The following MDFIC variants were observed in gnomAD, a reference collection of about 807,000 sequenced individuals.
MDFIC encodes MyoD family inhibitor domain containing, also known as myoD family inhibitor domain-containing protein.
Under a neutral mutation model 23.2 loss-of-function variants are expected in MDFIC, and 17 were observed. That is an observed-to-expected ratio of 0.73 (90% confidence interval 0.50 to 1.10). The LOEUF is 1.10. Among genes scored for constraint, MDFIC ranks in the 50% least tolerant of loss-of-function variants. The pLI is 0.00. For synonymous variants in MDFIC, 120 were observed against 115.2 expected (o/e 1.04, Z -0.27); for missense variants, 356 against 316.6 (o/e 1.12, Z -0.95).
At position 115,018,632 on chromosome 7, in the gene MDFIC, T is replaced by A. The variant is rs1221018279; in HGVS notation, c.*2697T>A. 6.6e-6 allele frequency: 1 copy of A among 152,412 alleles called. No homozygotes were observed. Among genetic ancestry groups the A allele is most frequent in the Non-Finnish European group, 1.5e-5 (1 of 67,864 alleles). The allele number at this position is 152,412 out of a possible 1,614,324, so 9.4% of individuals were successfully genotyped here. On this transcript the variant is annotated 3_prime_UTR_variant, in exon 5 of 5. Transcript: ENST00000393486. ...GAAGTATATGGCTATCATGACTAAG[T>A]GCTAGAATTTATAGTTACAGGCGGT...
intron 3 of MDFIC, among the ~76,000 whole-genome samples, chr7:114,974,762 A>G (rs569069659): frequency 6.6e-6 from 1 of 152,192 alleles, no homozygotes; most frequent in Admixed American, 6.6e-5. Flanking sequence ...ATTTACTCCC[A>G]TATTTATTAT....
In MDFIC at chr7:115,017,953, C is replaced by T. The variant is rs1478746043; in HGVS notation, c.*2018C>T. On this transcript the variant is annotated 3_prime_UTR_variant, in exon 5 of 5. Coordinates refer to ENST00000393486, the MANE Select transcript of MDFIC (RefSeq NM_001166345.3). Reference sequence around the variant, plus strand: ...CTGTGGTTTTTCCTTTGAGATGAAACGTAGTTTCTAGTTATATCATTACTT... The same window carrying T: ...CTGTGGTTTTTCCTTTGAGATGAAATGTAGTTTCTAGTTATATCATTACTT... 5 of 151,868 alleles carry T rather than the reference C, an allele frequency of 3.3e-5. No homozygotes were observed. Among genetic ancestry groups the T allele is most frequent in the African/African-American group, 2.4e-5 (1 of 41,398 alleles). 9.4% of individuals were successfully genotyped at this position (151,868 alleles called of 1,614,324 possible).
chr7:114,979,795 A>G lies in MDFIC; in HGVS notation c.493+14A>G. ...CTTCACCTGAAGGTAAGTTTGAGAT[A>G]TATGTAGATTTTATTTGACCAGATG... On this transcript the variant is annotated intron_variant, in intron 4 of 4. Coordinates refer to ENST00000393486, the MANE Select transcript of MDFIC (RefSeq NM_001166345.3). 6.2e-7 allele frequency: 1 copy of G among 1,609,582 alleles called. No homozygotes were observed. Among genetic ancestry groups the G allele is most frequent in the Non-Finnish European group, 8.5e-7 (1 of 1,176,750 alleles).
intron 4 of MDFIC, among the ~76,000 whole-genome samples, chr7:114,998,629 A>G (rs974517299): frequency 2.6e-5 from 4 of 152,096 alleles, no homozygotes; most frequent in Non-Finnish European, 5.9e-5. Context: ...TTATAATACT[A>G]TATTTTATAT....
chr7:114,943,355 A>G (rs188745264), intron 3 of MDFIC, among the ~76,000 whole-genome samples: 4 of 152,300 alleles, frequency 2.6e-5, no homozygotes, highest in African/African-American at 7.2e-5. Context: ...TGAAAACTAA[A>G]CAAAATAAAT....
At chr7:115,006,871 A>G (rs1260501853) in intron 4 of MDFIC, among the ~76,000 whole-genome samples, 1 of 152,192 alleles carries the variant, frequency 6.6e-6, no homozygotes, top group Non-Finnish European at 1.5e-5. Context: ...AACTTCTTAT[A>G]TTAGAAATAT....
chr7:114,992,691 G>A (rs1475991449), intron 4 of MDFIC, among the ~76,000 whole-genome samples: 2 of 152,154 alleles, frequency 1.3e-5, no homozygotes, highest in Non-Finnish European at 2.9e-5. Flanking sequence ...GCATCCCAGG[G>A]ATGAAGCCCA....
intron 3 of MDFIC, among the ~76,000 whole-genome samples, chr7:114,970,398 T>A (rs1365737831): frequency 6.6e-6 from 1 of 152,196 alleles, no homozygotes; most frequent in African/African-American, 2.4e-5. Context: ...TCTATCTTAT[T>A]TTTTTGTAGG....
At chr7:114,976,706 T>TA (rs979019727) in intron 3 of MDFIC, among the ~76,000 whole-genome samples, 5 of 152,160 alleles carry the variant, frequency 3.3e-5, no homozygotes, top group African/African-American at 7.2e-5. Context: ...TACATTTAAG[T>TA]AAAAAATCCA....
chr7:115,015,631 G>A (rs1167745526), intron 4 of MDFIC, 57 bp from the exon 5 acceptor site: 34 of 1,573,626 alleles, frequency 2.2e-5, no homozygotes, highest in South Asian at 1.6e-4. Flanking sequence ...TTGATAACAC[G>A]TATTTTGTGT....
chr7:114,922,783 A>T, intron 1 of MDFIC, 144 bp from the exon 2 acceptor site: 1 of 1,309,782 alleles, frequency 7.6e-7, no homozygotes, highest in Non-Finnish European at 1.0e-6. Context: ...GCGCTGTAAC[A>T]GTTTTCTTCG....
chr7:114,967,677 A>AT (rs1291953353), intron 3 of MDFIC, among the ~76,000 whole-genome samples: 1 of 152,092 alleles, frequency 6.6e-6, no homozygotes, highest in Admixed American at 6.6e-5. Flanking sequence ...ACCATAGTAT[A>AT]TAAAAAAAAA....
At chr7:114,967,171 C>T (rs1003919103) in intron 3 of MDFIC, among the ~76,000 whole-genome samples, 1 of 152,074 alleles carries the variant, frequency 6.6e-6, no homozygotes, top group African/African-American at 2.4e-5. Flanking sequence ...AGATTTTGTT[C>T]AGATGCACAA....
chr7:115,001,814 T>A (rs1478149387), intron 4 of MDFIC, among the ~76,000 whole-genome samples: 1 of 152,088 alleles, frequency 6.6e-6, no homozygotes, highest in Admixed American at 6.6e-5. Flanking sequence ...ATGAAAAAAA[T>A]ATATATGTAT....
At chr7:114,927,407 C>A (rs1412628306) in intron 2 of MDFIC, among the ~76,000 whole-genome samples, 2 of 147,814 alleles carry the variant, frequency 1.4e-5, no homozygotes, top group Admixed American at 6.8e-5. Flanking sequence ...AAATTGTTAT[C>A]ACTCCATGTA....
chr7:114,973,295 C>A (rs1793245260), intron 3 of MDFIC, among the ~76,000 whole-genome samples: 1 of 152,046 alleles, frequency 6.6e-6, no homozygotes. Flanking sequence ...GAGAGGCTCC[C>A]CTCCCTGCTG....
intron 2 of MDFIC, among the ~76,000 whole-genome samples, chr7:114,941,955 C>T (rs1490779933): frequency 6.6e-6 from 1 of 152,186 alleles, no homozygotes; most frequent in Non-Finnish European, 1.5e-5. Flanking sequence ...TGGACTCACT[C>T]ACTTTCATGC....
chr7:114,944,623 T>C (rs1468487516), intron 3 of MDFIC, among the ~76,000 whole-genome samples: 1 of 152,244 alleles, frequency 6.6e-6, no homozygotes, highest in African/African-American at 2.4e-5. Context: ...TGCCTGACTT[T>C]CCTTCTTTGG....
intron 3 of MDFIC, among the ~76,000 whole-genome samples, chr7:114,962,657 A>G (rs1793016245): frequency 6.6e-6 from 1 of 152,220 alleles, no homozygotes; most frequent in South Asian, 2.1e-4. Flanking sequence ...CAGTGCTCAG[A>G]TAAACTCTGT....
Sources: gnomAD v4.1 joint callset for allele counts (sites outside exome capture counted in the v4.1 genomes callset) on GRCh38, gnomAD v4.1.1 for gene constraint, MANE v1.5 for transcripts, NCBI Gene and HGNC (gene_info 2026-07-23, HGNC 2026-07-21) for gene names.